Variants in NUP188 observed in about 807,000 individuals in gnomAD.
The protein encoded by NUP188 is nucleoporin NUP188.
A neutral mutation model predicts 223.0 loss-of-function variants in NUP188; 97 were observed. The observed-to-expected ratio is 0.43, with a 90% CI of 0.37 to 0.51. The LOEUF is 0.51. Ranked by LOEUF, NUP188 falls within the 20% of genes least tolerant of loss-of-function variation. The pLI, the probability that NUP188 is intolerant of heterozygous loss-of-function variation, is 0.00. For synonymous variants in NUP188, 869 were observed against 828.0 expected (o/e 1.05, Z -0.85); for missense variants, 1,947 against 2,175.6 (o/e 0.89, Z 2.09).
rs1452242174 is a variant in NUP188 at position 128,947,754 on chromosome 9, G to T, written c.32+3G>T. On this transcript the variant is annotated splice_donor_region_variant and intron_variant, in intron 1 of 43. Coordinates refer to ENST00000372577, the MANE Select transcript of NUP188 (RefSeq NM_015354.3). ...GCCGCCGGCGGGCCGTGTGTGAGGTGCGGAGCGGGTCGAATGGACCGGGGT... is the reference window on the plus strand; with the variant it reads ...GCCGCCGGCGGGCCGTGTGTGAGGTTCGGAGCGGGTCGAATGGACCGGGGT... The T allele has an allele frequency of 7.5e-6, 11 of 1,463,154 alleles. No individual in the cohort carries two copies. In the South Asian group the frequency reaches 1.5e-4, roughly 20 times the overall value. The allele number at this position is 1,463,154 out of a possible 1,614,324, so 90.6% of individuals were successfully genotyped here.
In NUP188 at chr9:128,953,922, C is replaced by T. The variant is rs17432867; in HGVS notation, c.161+1076C>T. 6.5e-3 allele frequency among the ~76,000 whole-genome samples: 984 copies of T among 152,096 alleles called. 7 individuals are homozygous for T. Among genetic ancestry groups the T allele is most frequent in the Middle Eastern group, 0.034 (10 of 294 alleles). ...TCAGCTTACTGCAACCTCCACCTCCCGGGTTCAAGTGATTCGCTTGCCTTG... is the reference window on the plus strand; with the variant it reads ...TCAGCTTACTGCAACCTCCACCTCCTGGGTTCAAGTGATTCGCTTGCCTTG... On this transcript the variant is annotated intron_variant, in intron 3 of 43. Transcript: ENST00000372577.
intron 20 of NUP188, among the ~76,000 whole-genome samples, chr9:128,985,968 G>A (rs868702291): frequency 6.6e-6 from 1 of 152,142 alleles, no homozygotes; most frequent in African/African-American, 2.4e-5. Context: ...GAACCTGGGA[G>A]GCGGAGGTTG....
chr9:128,961,837 T>G (rs910428033), intron 8 of NUP188, among the ~76,000 whole-genome samples: 13 of 151,820 alleles, frequency 8.6e-5, no homozygotes, highest in Non-Finnish European at 1.2e-4. Flanking sequence ...GTCAGGCTGG[T>G]CTAGAACTCC....
rs147735262 is a variant in NUP188, at chr9:128,995,374, C to T, written c.3211C>T (p.Arg1071Cys). The T allele has an allele frequency of 1.7e-5, 28 of 1,614,032 alleles. No homozygotes were observed. The highest frequency in any genetic ancestry group is 2.2e-5 in the East Asian group (1 of 44,900). ...DTLKKFSIEK[R>C]FAYWSGYVKS... ...ACTGAAGAAATTTTCCATCGAGAAA[C>T]GCTTTGCCTACTGGTCAGGGTATGT... The change falls in exon 30 of 44, where the codon CGC (arginine) becomes TGC (cysteine). Residue 1071 changes from arginine to cysteine, a missense_variant. Physicochemically the swap from Arg to Cys is radical, Grantham distance 180. Around this residue, in one of 3 missense-constraint regions of NUP188, gnomAD observed 905 missense variants for 990.6 expected, o/e 0.91. Coordinates refer to ENST00000372577, the MANE Select transcript of NUP188 (RefSeq NM_015354.3).
intron 12 of NUP188, among the ~76,000 whole-genome samples, chr9:128,976,356 G>A (rs17485520): frequency 6.6e-6 from 1 of 152,156 alleles, no homozygotes; most frequent in African/African-American, 2.4e-5. Context: ...AGAGAAATGA[G>A]TTTGTGTTGA....
chr9:128,971,380 T>C (rs777925195), intron 11 of NUP188, among the ~76,000 whole-genome samples: 3 of 152,174 alleles, frequency 2.0e-5, no homozygotes, highest in Non-Finnish European at 4.4e-5. Flanking sequence ...AGTCTTATGT[T>C]GGGGTTTGAG....
intron 1 of NUP188, 44 bp downstream of exon 1, chr9:128,947,795 T>G: frequency 7.4e-7 from 1 of 1,358,268 alleles, no homozygotes. Flanking sequence ...TGAAGCGCGG[T>G]GTCAAAGCCG....
chr9:128,964,570 C>T (rs1842001652), intron 8 of NUP188, among the ~76,000 whole-genome samples: 1 of 149,904 alleles, frequency 6.7e-6, no homozygotes, highest in Non-Finnish European at 1.5e-5. Flanking sequence ...ATGGTTTTGC[C>T]ATGTTGCCCA....
intron 35 of NUP188, 33 bp from the exon 36 acceptor site, chr9:129,001,851 T>C (rs773790627): frequency 6.2e-7 from 1 of 1,604,904 alleles, no homozygotes; most frequent in South Asian, 1.1e-5. Context: ...AGGGGCAGGC[T>C]CCATCTCATT....
intron 2 of NUP188, among the ~76,000 whole-genome samples, chr9:128,950,016 G>A (rs1487242563): frequency 6.7e-6 from 1 of 149,356 alleles, no homozygotes; most frequent in Non-Finnish European, 1.5e-5. Flanking sequence ...TCTGCCACCT[G>A]GGTTCAAGTG....
chr9:128,991,264 G>A, intron 25 of NUP188, among the ~76,000 whole-genome samples: 1 of 151,652 alleles, frequency 6.6e-6, no homozygotes. Context: ...TATCGGCTGG[G>A]CGCTGTGGCT....
At chr9:128,996,814 A>G (rs1445968238) in intron 30 of NUP188, among the ~76,000 whole-genome samples, 2 of 151,904 alleles carry the variant, frequency 1.3e-5, no homozygotes, top group African/African-American at 4.8e-5. Context: ...TCACCTGTCT[A>G]CCTATACAAA....
In NUP188 at chr9:128,999,732, G is replaced by T. The variant is rs769307211; in HGVS notation, c.3770G>T (p.Ser1257Ile). ...ACCCGCCACAGTCTGGCATTAGGCA[G>T]TGCCACAGAGGACAAGGACAGCATG... Reference protein sequence around the residue: ...DQTRHSLALGSATEDKDSMET... With the variant: ...DQTRHSLALGIATEDKDSMET... The change falls in exon 34 of 44, where the codon AGT becomes ATT. Residue 1257 changes from serine to isoleucine, a missense_variant. By Grantham distance (142) the Ser-to-Ile change is moderately radical. Transcript: ENST00000372577. The T allele has an allele frequency of 6.2e-7, 1 of 1,614,220 alleles. No homozygotes were observed. Among genetic ancestry groups the T allele is most frequent in the South Asian group, 1.1e-5 (1 of 91,088 alleles).
In NUP188 at chr9:129,005,427, A is replaced by G. The variant is rs2131202292; in HGVS notation, c.4634A>G (p.Gln1545Arg). Residue 1545 changes from glutamine to arginine, a missense_variant, in exon 40 of 44, where the codon CAG (glutamine) becomes CGG (arginine). Physicochemically the swap from Gln to Arg is conservative, Grantham distance 43. Around this residue, in one of 3 missense-constraint regions of NUP188, gnomAD observed 905 missense variants for 990.6 expected, o/e 0.91. Coordinates refer to ENST00000372577, the MANE Select transcript of NUP188 (RefSeq NM_015354.3). Reference protein sequence around the residue: ...PAADTEASEQQALHTVQYGLL... With the variant: ...PAADTEASEQRALHTVQYGLL... ...GCTGACACAGAGGCATCAGAGCAGCAGGCCTTGCACACAGTCCAGTATGGC... is the reference window on the plus strand; with the variant it reads ...GCTGACACAGAGGCATCAGAGCAGCGGGCCTTGCACACAGTCCAGTATGGC... 6.2e-7 allele frequency: 1 copy of G among 1,609,764 alleles called. No individual in the cohort carries two copies. The highest frequency in any genetic ancestry group is 8.5e-7 in the Non-Finnish European group (1 of 1,180,012).
At chr9:128,949,814 A>G (rs1841753739) in intron 2 of NUP188, among the ~76,000 whole-genome samples, 2 of 151,508 alleles carry the variant, frequency 1.3e-5, no homozygotes, top group South Asian at 4.2e-4. Flanking sequence ...TTTTTAGTGG[A>G]GACAGGGTTT....
intron 3 of NUP188, 148 bp from the exon 4 acceptor site, chr9:128,956,202 T>TGTGTGTGTGC: frequency 2.2e-6 from 1 of 461,310 alleles, no homozygotes; most frequent in East Asian, 3.6e-5. Context: ...TGTGTGTGTG[T>TGTGTGTGTGC]GTGTGTGTGC....
At chr9:128,966,669 G>A (rs1842035507) in intron 8 of NUP188, among the ~76,000 whole-genome samples, 1 of 152,064 alleles carries the variant, frequency 6.6e-6, no homozygotes, top group African/African-American at 2.4e-5. Flanking sequence ...GTTTTTATTT[G>A]ATTCTGTTAT....
At chr9:128,965,824 T>G (rs1842019297) in intron 8 of NUP188, among the ~76,000 whole-genome samples, 2 of 151,400 alleles carry the variant, frequency 1.3e-5, no homozygotes, top group African/African-American at 2.4e-5. Flanking sequence ...TTTTTTAAAT[T>G]TTCACTCTTG....
intron 19 of NUP188, among the ~76,000 whole-genome samples, chr9:128,984,111 C>T (rs1019527368): frequency 3.2e-5 from 4 of 123,420 alleles, no homozygotes; most frequent in African/African-American, 7.9e-5. Flanking sequence ...CGTGAGCCAC[C>T]GCGCCTGGCC....
Sources: allele counts gnomAD v4.1 joint callset (sites outside exome capture counted in the v4.1 genomes callset), GRCh38; gene constraint gnomAD v4.1.1; regional missense constraint gnomAD v4.1.1; transcripts MANE v1.5; gene names NCBI Gene and HGNC (gene_info 2026-07-23, HGNC 2026-07-21).